Variants in PRDM6 observed in about 807,000 individuals in gnomAD.
The protein encoded by PRDM6 is putative histone-lysine N-methyltransferase PRDM6.
A neutral mutation model predicts 60.8 loss-of-function variants in PRDM6; 25 were observed. That is an observed-to-expected ratio of 0.41 (90% CI 0.30 to 0.57). The LOEUF (loss-of-function observed/expected upper bound fraction) is 0.57. PRDM6 is among the 20% of genes least tolerant of loss of function. PRDM6 has a pLI of 0.27. For missense variants in PRDM6, 839 were observed against 821.3 expected (o/e 1.02, Z -0.26); for synonymous variants, 407 against 357.4 (o/e 1.14, Z -1.57).
chr5:123,089,874 C>T (rs1763764446), intron 1 of PRDM6, 126 bp from the exon 2 acceptor site: 2 of 675,520 alleles, frequency 3.0e-6, no homozygotes, highest in South Asian at 1.9e-5. Flanking sequence ...GAAGAGGGAG[C>T]CGCGGAACCG....
At chr5:123,162,183 G>C (rs772651045) in intron 5 of PRDM6, among the ~76,000 whole-genome samples, 1 of 152,096 alleles carries the variant, frequency 6.6e-6, no homozygotes, top group Non-Finnish European at 1.5e-5. Flanking sequence ...TCTTACCCTC[G>C]ATCTGGATCT....
Position 123,191,896 on chromosome 5 carries a change from T to G in PRDM6, c.*4695T>G, listed in dbSNP as rs1766440445. On this transcript the variant is annotated 3_prime_UTR_variant, in exon 8 of 8. Transcript: ENST00000407847. ...TCTGTGGAAACCTTGCCACAGATGT[T>G]TAACCTGTAGTCCATGGCTGTGTTT... 1 of 152,230 alleles carries G rather than the reference T, an allele frequency of 6.6e-6. No homozygotes were observed. The highest frequency in any genetic ancestry group is 2.4e-5 in the African/African-American group (1 of 41,456). 9.4% of individuals were successfully genotyped at this position (152,230 alleles called of 1,614,324 possible). A position where few individuals can be genotyped will look rare whatever the true frequency, so the allele number is the denominator to read the frequency against.
chr5:123,155,800 G>C, intron 3 of PRDM6, 84 bp from the exon 4 acceptor site: 3 of 1,451,094 alleles, frequency 2.1e-6, no homozygotes, highest in South Asian at 2.8e-5. Flanking sequence ...TTCTGCAGCT[G>C]ACACATAAAG....
intron 7 of PRDM6, among the ~76,000 whole-genome samples, chr5:123,181,019 A>C (rs1215094234): frequency 1.3e-5 from 2 of 152,254 alleles, no homozygotes; most frequent in Non-Finnish European, 2.9e-5. Context: ...GTGTTTCTAC[A>C]CATGGCACAC....
intron 2 of PRDM6, 60 bp downstream of exon 2, chr5:123,090,666 C>T: frequency 1.0e-6 from 1 of 974,022 alleles, no homozygotes; most frequent in Non-Finnish European, 1.3e-6. Context: ...CCGGCGGGCG[C>T]GGGTGCCTGT....
At chr5:123,133,978 C>T (rs926096656) in intron 3 of PRDM6, among the ~76,000 whole-genome samples, 4 of 152,108 alleles carry the variant, frequency 2.6e-5, no homozygotes, top group South Asian at 2.1e-4. Context: ...ACGAACTTTT[C>T]ATTCTGTCTT....
At chr5:123,157,581 G>A (rs769391056) in intron 4 of PRDM6, among the ~76,000 whole-genome samples, 12 of 152,200 alleles carry the variant, frequency 7.9e-5, no homozygotes, top group African/African-American at 1.7e-4. Context: ...ATCTGTTTTC[G>A]ATTACTTCAG....
intron 1 of PRDM6, 54 bp from the exon 2 acceptor site, chr5:123,089,946 C>T: frequency 7.3e-7 from 1 of 1,365,956 alleles, no homozygotes; most frequent in South Asian, 1.3e-5. Flanking sequence ...GGCCCTCTTC[C>T]CGGCCCCTTT....
At chr5:123,143,148 AGT>A (rs139092433) in intron 3 of PRDM6, among the ~76,000 whole-genome samples, 4,826 of 145,846 alleles carry the variant, frequency 0.033, 185 homozygotes, top group Admixed American at 0.087. Flanking sequence ...TAGTTTTTAA[AGT>A]GTGTGTGTGT....
In PRDM6 at chr5:123,090,311, G is replaced by A. The variant is rs564271388; in HGVS notation, c.297G>A (p.Ala99=). 2.2e-3 allele frequency: 3,015 copies of A among 1,373,508 alleles called. 58 individuals are homozygous for A. The African/African-American group carries it at 0.042, about 19-fold the overall frequency. 85.1% of individuals were successfully genotyped at this position (1,373,508 alleles called of 1,614,324 possible). ...SASSASSCAA[A]AAAAALAGLS... is the part of the protein sequence containing the mutation. ...CCTCCGCCTCCTCCTGCGCTGCTGC[G>A]GCCGCTGCCGCCGCGCTGGCTGGTC... is the stretch of plus-strand genomic sequence containing the variant. The change falls in exon 2 of 8, where the codon GCG becomes GCA. Residue 99 remains alanine, a synonymous_variant. Coordinates refer to ENST00000407847, the MANE Select transcript of PRDM6 (RefSeq NM_001136239.4).
chr5:123,132,061 G>GA (rs1457924209), intron 3 of PRDM6, among the ~76,000 whole-genome samples: 3 of 152,166 alleles, frequency 2.0e-5, no homozygotes, highest in Non-Finnish European at 2.9e-5. Context: ...CAGGCAGCTT[G>GA]TGCATATTAA....
chr5:123,101,382 G>A (rs1490342544), intron 3 of PRDM6, among the ~76,000 whole-genome samples: 2 of 152,110 alleles, frequency 1.3e-5, no homozygotes, highest in African/African-American at 4.8e-5. Context: ...CTACCCTATA[G>A]TTATCTGCTG....
intron 6 of PRDM6, among the ~76,000 whole-genome samples, chr5:123,174,180 A>G (rs1765955687): frequency 6.6e-6 from 1 of 152,198 alleles, no homozygotes; most frequent in Admixed American, 6.5e-5. Context: ...ATCATTGAGC[A>G]TTTCCTTTGA....
intron 3 of PRDM6, among the ~76,000 whole-genome samples, chr5:123,135,633 G>C (rs1270090757): frequency 3.3e-5 from 5 of 152,006 alleles, no homozygotes; most frequent in Admixed American, 3.3e-4. Flanking sequence ...AGCCCTCTAA[G>C]CCATTAAACT....
chr5:123,139,607 A>G (rs1420840069), intron 3 of PRDM6, among the ~76,000 whole-genome samples: 1 of 152,078 alleles, frequency 6.6e-6, no homozygotes, highest in Non-Finnish European at 1.5e-5. Context: ...TTACTGGTAT[A>G]TGCTGAACCA....
chr5:123,165,884 T>C (rs1010905077), intron 5 of PRDM6, among the ~76,000 whole-genome samples: 2 of 152,234 alleles, frequency 1.3e-5, no homozygotes, highest in African/African-American at 4.8e-5. Flanking sequence ...AAAATCTTTT[T>C]TTGGCTTGCC....
In PRDM6 at chr5:123,186,419, A is replaced by G. The variant is rs79783724; in HGVS notation, c.1674-668A>G. Among the ~76,000 whole-genome samples the G allele has an allele frequency of 4.6e-3, 707 of 152,278 alleles. 6 individuals carry two copies. Among genetic ancestry groups the G allele is most frequent in the African/African-American group, 0.016 (678 of 41,544 alleles). ...GAAGAGATAAATCTTGAAGTGTGAC[A>G]TTTTCTCCTCATCAGACACACTGCC... On this transcript the variant is annotated intron_variant, in intron 7 of 7. Coordinates refer to ENST00000407847, the MANE Select transcript of PRDM6 (RefSeq NM_001136239.4).
At chr5:123,151,326 C>G (rs1030114753) in intron 3 of PRDM6, among the ~76,000 whole-genome samples, 1 of 152,154 alleles carries the variant, frequency 6.6e-6, no homozygotes, top group South Asian at 2.1e-4. Context: ...TCCCCCTCCC[C>G]ATGCTGAAAT....
chr5:123,178,997 A>G (rs1282063111), intron 6 of PRDM6, among the ~76,000 whole-genome samples: 1 of 152,220 alleles, frequency 6.6e-6, no homozygotes, highest in African/African-American at 2.4e-5. Context: ...TGCTGTTAAT[A>G]TCCCTCACGA....
Sources: allele counts gnomAD v4.1 joint callset (sites outside exome capture counted in the v4.1 genomes callset), GRCh38; gene constraint gnomAD v4.1.1; transcripts MANE v1.5; gene names NCBI Gene and HGNC (gene_info 2026-07-23, HGNC 2026-07-21).